Variants in SPATA31H1 observed in about 807,000 individuals in gnomAD.
SPATA31H1 encodes spermatogenesis-associated protein 31H1.
At chr2:27,549,152 C>A in the SPATA31H1 span, among the ~76,000 whole-genome samples, 1 of 151,054 alleles carries the variant, frequency 6.6e-6, no homozygotes, top group Non-Finnish European at 1.5e-5. Flanking sequence ...ATTAAATGTC[C>A]GTATTGTCAT....
the SPATA31H1 span, among the ~76,000 whole-genome samples, chr2:27,554,766 G>C: frequency 6.6e-6 from 1 of 151,938 alleles, no homozygotes; most frequent in African/African-American, 2.4e-5. Flanking sequence ...TAGGGACAGG[G>C]TTTCGCCATG....
the SPATA31H1 span, among the ~76,000 whole-genome samples, chr2:27,554,230 A>C: frequency 6.6e-6 from 1 of 151,940 alleles, no homozygotes; most frequent in Non-Finnish European, 1.5e-5. Flanking sequence ...ATCACCCTTA[A>C]TAGTTCATTT....
chr2:27,577,507 G>A, the SPATA31H1 span: 1 of 1,614,118 alleles, frequency 6.2e-7, no homozygotes, highest in Non-Finnish European at 8.5e-7. This position sits in a 1 kb window ranked among gnomAD's most constrained non-coding sequence, Gnocchi z 4.5. Context: ...CCAAGGCTCT[G>A]TCCTCAAAAC....
the SPATA31H1 span, among the ~76,000 whole-genome samples, chr2:27,552,147 T>G: frequency 6.6e-6 from 1 of 152,018 alleles, no homozygotes; most frequent in Non-Finnish European, 1.5e-5. Context: ...GCTGGGCACA[T>G]AGCTTAGCCA....
the SPATA31H1 span, chr2:27,578,719 A>C: frequency 6.2e-7 from 1 of 1,614,172 alleles, no homozygotes; most frequent in Non-Finnish European, 8.5e-7. Flanking sequence ...GACTGTCAGA[A>C]GTTAACATCA....
chr2:27,575,892 C>T, the SPATA31H1 span: 6 of 398,378 alleles, frequency 1.5e-5, no homozygotes, highest in African/African-American at 1.2e-4. This position sits in a 1 kb window ranked among gnomAD's most constrained non-coding sequence, Gnocchi z 4.1. Flanking sequence ...TGAATTAACT[C>T]CAGTTTCAAA....
chr2:27,546,084 A>G, the SPATA31H1 span, among the ~76,000 whole-genome samples: 1 of 152,052 alleles, frequency 6.6e-6, no homozygotes, highest in South Asian at 2.1e-4. Context: ...TACTATGGAC[A>G]TGAGTCCTTT....
At chr2:27,546,832 T>C in the SPATA31H1 span, among the ~76,000 whole-genome samples, 1 of 152,020 alleles carries the variant, frequency 6.6e-6, no homozygotes, top group African/African-American at 2.4e-5. Context: ...ATGCCTGGCC[T>C]AATGCAATAT....
chr2:27,577,552 T>C, the SPATA31H1 span: 1 of 1,614,134 alleles, frequency 6.2e-7, no homozygotes, highest in South Asian at 1.1e-5. The surrounding 1 kb of genome is among the most constrained non-coding windows in gnomAD (Gnocchi z 4.5). Context: ...GAGAAAAGAC[T>C]GCAAGGGGAA....
chr2:27,540,319 G>A, the SPATA31H1 span, among the ~76,000 whole-genome samples: 16,065 of 52,360 alleles, frequency 0.31, 504 homozygotes, highest in East Asian at 0.47. Flanking sequence ...GGGCAGAGGG[G>A]CTCCTCACTT....
the SPATA31H1 span, chr2:27,574,378 A>T: frequency 2.5e-6 from 1 of 398,372 alleles, no homozygotes; most frequent in East Asian, 3.6e-5. Flanking sequence ...CCAAAGTTAC[A>T]AAGTGAGAAA....
the SPATA31H1 span, chr2:27,582,612 C>G: frequency 7.4e-7 from 1 of 1,354,190 alleles, no homozygotes; most frequent in Non-Finnish European, 1.0e-6. Flanking sequence ...GCCACTGCCT[C>G]CAATTCCTGC....
At chr2:27,563,580 G>A in the SPATA31H1 span, among the ~76,000 whole-genome samples, 1 of 146,748 alleles carries the variant, frequency 6.8e-6, no homozygotes, top group South Asian at 2.1e-4. Flanking sequence ...TTTTTTTTGA[G>A]ACTGAGTCTT....
the SPATA31H1 span, chr2:27,579,488 A>G: frequency 1.2e-6 from 2 of 1,614,254 alleles, no homozygotes; most frequent in Non-Finnish European, 1.7e-6. Flanking sequence ...ATAAGAAAAG[A>G]ATGGCCTTAA....
the SPATA31H1 span, chr2:27,579,267 T>G: frequency 6.2e-7 from 1 of 1,614,176 alleles, no homozygotes; most frequent in Non-Finnish European, 8.5e-7. Context: ...GGGGAATATT[T>G]TAGGGACCAC....
chr2:27,549,663 T>A, the SPATA31H1 span, among the ~76,000 whole-genome samples: 1 of 151,562 alleles, frequency 6.6e-6, no homozygotes, highest in Non-Finnish European at 1.5e-5. Context: ...TACAAAAAAT[T>A]AGTCTGGCAT....
chr2:27,544,529 A>ATTT, the SPATA31H1 span, among the ~76,000 whole-genome samples: 50 of 125,106 alleles, frequency 4.0e-4, 1 homozygote, highest in South Asian at 1.2e-3. Flanking sequence ...GTTGACAACA[A>ATTT]TTTTTTTTTT....
chr2:27,540,872 G>GCGGC, the SPATA31H1 span, among the ~76,000 whole-genome samples: 1 of 99,864 alleles, frequency 1.0e-5, no homozygotes, highest in Non-Finnish European at 2.0e-5. Flanking sequence ...AGATGGGATG[G>GCGGC]CGGCCGGGCA....
the SPATA31H1 span, chr2:27,579,379 T>C: frequency 8.1e-6 from 13 of 1,614,128 alleles, no homozygotes; most frequent in Admixed American, 1.7e-5. Flanking sequence ...GCTGAACTGA[T>C]GGAACCTTCC....
Sources: gnomAD v4.1 joint callset for allele counts (sites outside exome capture counted in the v4.1 genomes callset) on GRCh38, gnomAD v4.1.1 for gene constraint, Gnocchi (gnomAD v3.1) non-coding constraint, MANE v1.5 for transcripts, NCBI Gene and HGNC (gene_info 2026-07-23, HGNC 2026-07-21) for gene names.